Variants in CSMD3 observed in about 807,000 individuals in gnomAD.
CSMD3 encodes the protein CUB and Sushi multiple domains 3, also known as CUB and sushi domain-containing protein 3.
Under a neutral mutation model 435.2 loss-of-function variants are expected in CSMD3, and 177 were observed. The ratio of observed to expected loss-of-function variants is 0.41; its 90% CI spans 0.36 to 0.46. The LOEUF is 0.46. Among genes scored for constraint, CSMD3 ranks in the 20% least tolerant of loss-of-function variants. The probability of loss-of-function intolerance (pLI) is 0.34; values close to 1 mark genes in which losing one functional copy is unlikely to be tolerated. For missense variants in CSMD3, 4,265 were observed against 4,504.6 expected (o/e 0.95, Z 1.52); for synonymous variants, 1,656 against 1,520.5 (o/e 1.09, Z -2.07).
At chr8:113,100,598 A>T (rs1389161383) in intron 4 of CSMD3, among the ~76,000 whole-genome samples, 1 of 152,124 alleles carries the variant, frequency 6.6e-6, no homozygotes, top group Non-Finnish European at 1.5e-5. Flanking sequence ...TCACACTCAG[A>T]TTAAAGAAAA....
intron 36 of CSMD3, among the ~76,000 whole-genome samples, chr8:112,386,510 C>G (rs536616310): frequency 6.6e-6 from 1 of 150,448 alleles, no homozygotes; most frequent in Non-Finnish European, 1.5e-5. Context: ...TTTTTTTTTT[C>G]TTTTTTAGAC....
intron 32 of CSMD3, among the ~76,000 whole-genome samples, chr8:112,456,059 T>C (rs2130639379): frequency 6.6e-6 from 1 of 152,180 alleles, no homozygotes; most frequent in African/African-American, 2.4e-5. Context: ...TATTTGGAAG[T>C]ACATCCAGAC....
chr8:112,506,810 T>A lies in CSMD3; in HGVS notation c.4776A>T (p.Leu1592Phe), dbSNP rs1822577156. ...AAAGAATAAAGCCTGAAGATCCTGT[T>A]AAATTGCCTCCACAGGGTGCTTTAA... ...PVCIAPCGGN[L>F]TGSSGFILSP... Residue 1592 changes from leucine (L) to phenylalanine (F), a missense_variant, in exon 29 of 71, where the codon TTA becomes TTT. Leu to Phe is a conservative substitution (Grantham distance 22). Transcript: ENST00000297405. 6.2e-7 allele frequency: 1 copy of A among 1,613,278 alleles called. No homozygotes were observed. The highest frequency in any genetic ancestry group is 1.3e-5 in the African/African-American group (1 of 74,894).
intron 35 of CSMD3, among the ~76,000 whole-genome samples, chr8:112,394,004 C>T (rs1055530603): frequency 1.3e-5 from 2 of 152,014 alleles, no homozygotes; most frequent in Non-Finnish European, 2.9e-5. Flanking sequence ...ATGTTTATCT[C>T]TAGCTGTGAT....
chr8:112,383,485 T>G (rs1829658776), intron 37 of CSMD3, 82 bp downstream of exon 37: 2 of 777,224 alleles, frequency 2.6e-6, no homozygotes, highest in South Asian at 3.0e-5. Flanking sequence ...AACTACCAAG[T>G]AAGAGTTGTA....
At chr8:113,035,121 G>GC (rs2087286056) in intron 5 of CSMD3, among the ~76,000 whole-genome samples, 6 of 151,780 alleles carry the variant, frequency 4.0e-5, no homozygotes, top group Admixed American at 6.6e-5. Context: ...ATAATGACAA[G>GC]AGCTCAAAGC....
chr8:112,753,898 T>G (rs1041042003), intron 13 of CSMD3, among the ~76,000 whole-genome samples: 5 of 152,304 alleles, frequency 3.3e-5, no homozygotes, highest in Middle Eastern at 3.4e-3. Flanking sequence ...CATTTTGTTT[T>G]TGTGGTCTTC....
intron 13 of CSMD3, among the ~76,000 whole-genome samples, chr8:112,768,523 T>C (rs1419369844): frequency 1.3e-5 from 2 of 151,940 alleles, no homozygotes; most frequent in East Asian, 1.9e-4. Flanking sequence ...CAGTGTTTTA[T>C]TGTCCTGACA....
chr8:113,123,170 T>C (rs2131642813), intron 4 of CSMD3, among the ~76,000 whole-genome samples: 1 of 152,216 alleles, frequency 6.6e-6, no homozygotes, highest in African/African-American at 2.4e-5. Flanking sequence ...ACCAGTTTCA[T>C]ATCTAATCCA....
intron 10 of CSMD3, among the ~76,000 whole-genome samples, chr8:112,866,821 T>G (rs756297258): frequency 1.3e-4 from 20 of 152,178 alleles, no homozygotes; most frequent in Non-Finnish European, 2.9e-4. Flanking sequence ...CATATTATTT[T>G]TTACTTAATA....
chr8:112,724,439 A>G (rs2076924200), intron 13 of CSMD3, among the ~76,000 whole-genome samples: 1 of 152,110 alleles, frequency 6.6e-6, no homozygotes, highest in Non-Finnish European at 1.5e-5. Context: ...TTTGCTAATA[A>G]ATCATGAAAT....
intron 3 of CSMD3, among the ~76,000 whole-genome samples, chr8:113,183,526 TG>T (rs1475570778): frequency 6.6e-6 from 1 of 151,962 alleles, no homozygotes; most frequent in Non-Finnish European, 1.5e-5. Context: ...ACCTGATCTT[TG>T]GCCCCAAGGC....
At chr8:113,308,888 A>G (rs1436304257) in intron 2 of CSMD3, among the ~76,000 whole-genome samples, 1 of 152,206 alleles carries the variant, frequency 6.6e-6, no homozygotes, top group Non-Finnish European at 1.5e-5. Flanking sequence ...TCTTTTATCA[A>G]CCAACATATT....
intron 38 of CSMD3, among the ~76,000 whole-genome samples, chr8:112,356,108 T>G (rs1826574705): frequency 6.6e-6 from 1 of 152,166 alleles, no homozygotes; most frequent in Non-Finnish European, 1.5e-5. Flanking sequence ...GTTCAGCCAC[T>G]GTGGAAAACA....
intron 28 of CSMD3, among the ~76,000 whole-genome samples, chr8:112,512,089 T>A (rs1019570050): frequency 6.6e-6 from 1 of 152,142 alleles, no homozygotes; most frequent in African/African-American, 2.4e-5. Context: ...CACCCCCTCA[T>A]CACAGTCATC....
intron 38 of CSMD3, among the ~76,000 whole-genome samples, chr8:112,378,115 C>T (rs532373279): frequency 2.6e-5 from 4 of 152,052 alleles, no homozygotes; most frequent in Middle Eastern, 3.4e-3. Flanking sequence ...ACTCCACGGA[C>T]CACACTGAGG....
At chr8:112,516,886 T>G (rs997861536) in intron 28 of CSMD3, 148 bp downstream of exon 28, 7 of 638,660 alleles carry the variant, frequency 1.1e-5, no homozygotes, top group Admixed American at 5.8e-5. Flanking sequence ...CATTTTACAA[T>G]TTTGTACATT....
intron 5 of CSMD3, among the ~76,000 whole-genome samples, chr8:113,064,679 G>A (rs1250992015): frequency 6.6e-6 from 1 of 152,138 alleles, no homozygotes; most frequent in Non-Finnish European, 1.5e-5. Context: ...AGCTGATTCT[G>A]TTCATTTCTT....
intron 32 of CSMD3, among the ~76,000 whole-genome samples, chr8:112,447,554 T>C (rs549633198): frequency 6.6e-6 from 1 of 152,192 alleles, no homozygotes; most frequent in Non-Finnish European, 1.5e-5. Flanking sequence ...AAGAAGTATA[T>C]AGATTCTTTG....
Sources: allele counts gnomAD v4.1 joint callset (sites outside exome capture counted in the v4.1 genomes callset), GRCh38; gene constraint gnomAD v4.1.1; transcripts MANE v1.5; gene names NCBI Gene and HGNC (gene_info 2026-07-23, HGNC 2026-07-21).